Variants in UBE2D2 observed in about 807,000 individuals in gnomAD.
UBE2D2 encodes the protein ubiquitin conjugating enzyme E2 D2.
UBE2D2 carries 2 observed loss-of-function variants against 24.2 expected under a neutral mutation model. The observed-to-expected ratio is 0.08, with a 90% CI of 0.03 to 0.26. The LOEUF is 0.26. Ranked by LOEUF, UBE2D2 falls within the 10% of genes least tolerant of loss-of-function variation. The pLI is 1.00. For missense variants in UBE2D2, 44 were observed against 177.6 expected, an observed-to-expected ratio of 0.25 and a Z score of 4.28; for synonymous variants, 58 against 56.5, an observed-to-expected ratio of 1.03 and a Z score of -0.12.
At chr5:139,549,747 A>G (rs1438758776) in intron 1 of UBE2D2, among the ~76,000 whole-genome samples, 1 of 152,232 alleles carries the variant, frequency 6.6e-6, no homozygotes, top group African/African-American at 2.4e-5. Flanking sequence ...GAGCGGGACT[A>G]GCGGGCAACT....
At chr5:139,595,936 C>T (rs572619261) in intron 1 of UBE2D2, among the ~76,000 whole-genome samples, 46 of 142,458 alleles carry the variant, frequency 3.2e-4, no homozygotes, top group Admixed American at 2.1e-3. Flanking sequence ...CTCTATCACC[C>T]AGGCTGGAGT....
chr5:139,546,873 T>TTCCTTCCTTC, intron 1 of UBE2D2, among the ~76,000 whole-genome samples: 1 of 146,742 alleles, frequency 6.8e-6, no homozygotes. Flanking sequence ...TTCCTTCCTT[T>TTCCTTCCTTC]CTTTCCTTCT....
chr5:139,561,578 G>T lies in UBE2D2; in HGVS notation c.-214G>T. 1 of 423,268 alleles carries T rather than the reference G, an allele frequency of 2.4e-6. No homozygotes were observed. The highest frequency in any genetic ancestry group is 6.6e-5 in the South Asian group (1 of 15,246). The allele number at this position is 423,268 out of a possible 1,614,324, so 26.2% of individuals were successfully genotyped here. A position where few individuals can be genotyped will look rare whatever the true frequency, so the allele number is the denominator to read the frequency against. ...CGGCTAGGGCGGCGGCGAATAAAGG[G>T]GCCGCCGCCGGGTGATGCGGTGACC... is the stretch of plus-strand genomic sequence containing the variant. On this transcript the variant is annotated 5_prime_UTR_variant, in exon 1 of 7. Transcript: ENST00000398733.
chr5:139,592,952 C>T (rs1753874194), intron 1 of UBE2D2, among the ~76,000 whole-genome samples: 3 of 123,008 alleles, frequency 2.4e-5, no homozygotes, highest in African/African-American at 4.2e-5. Context: ...AGAGGTTCAG[C>T]TTAATTTCCC....
At chr5:139,596,410 C>T (rs928463100) in intron 1 of UBE2D2, among the ~76,000 whole-genome samples, 1 of 151,928 alleles carries the variant, frequency 6.6e-6, no homozygotes, top group African/African-American at 2.4e-5. Flanking sequence ...TCTCCTGCCT[C>T]AGCCTCCCCG....
At chr5:139,562,171 G>T (rs1015674652) in intron 1 of UBE2D2, 3 of 1,350,174 alleles carry the variant, frequency 2.2e-6, no homozygotes, top group Non-Finnish European at 2.9e-6. Flanking sequence ...CTGGGGCGTT[G>T]GGCGGCCCCT....
At chr5:139,623,266 A>G (rs1008666691) in intron 5 of UBE2D2, 102 bp from the exon 6 acceptor site, 29 of 636,946 alleles carry the variant, frequency 4.6e-5, no homozygotes, top group African/African-American at 4.5e-4. Context: ...GCTAGGCATT[A>G]CAGTATAAAT....
chr5:139,558,847 C>G (rs1482889469), upstream of UBE2D2, among the ~76,000 whole-genome samples: 10 of 151,780 alleles, frequency 6.6e-5, no homozygotes, highest in East Asian at 1.9e-3. Context: ...TTCACCACAC[C>G]TGAGGTGCAG....
chr5:139,591,965 C>T (rs530335767), intron 1 of UBE2D2, among the ~76,000 whole-genome samples: 5 of 152,052 alleles, frequency 3.3e-5, no homozygotes, highest in East Asian at 1.9e-4. Context: ...TTTGGGAGGC[C>T]GAGGCGGGCG....
intron 1 of UBE2D2, among the ~76,000 whole-genome samples, chr5:139,549,645 C>T (rs541830915): frequency 1.3e-5 from 2 of 152,344 alleles, no homozygotes; most frequent in African/African-American, 2.4e-5. Flanking sequence ...CGTGAGCTCG[C>T]GGGGCTGGAG....
At chr5:139,611,732 G>A (rs1754324636) in intron 2 of UBE2D2, among the ~76,000 whole-genome samples, 2 of 152,112 alleles carry the variant, frequency 1.3e-5, no homozygotes, top group African/African-American at 4.8e-5. Flanking sequence ...TTGTTATAAA[G>A]GTGAACTGCT....
At chr5:139,542,966 A>T (rs1400425639) in intron 1 of UBE2D2, among the ~76,000 whole-genome samples, 1 of 152,020 alleles carries the variant, frequency 6.6e-6, no homozygotes, top group Admixed American at 6.6e-5. Context: ...GCCTGATCTC[A>T]GCTCACTGCA....
intron 6 of UBE2D2, 121 bp downstream of exon 6, chr5:139,623,582 C>G (rs1322503665): frequency 3.1e-6 from 2 of 643,086 alleles, no homozygotes; most frequent in African/African-American, 3.6e-5. Context: ...AATATACTCT[C>G]CTGGGGCTAG....
chr5:139,595,750 A>G (rs1753944576), intron 1 of UBE2D2, among the ~76,000 whole-genome samples: 1 of 152,178 alleles, frequency 6.6e-6, no homozygotes, highest in Admixed American at 6.6e-5. Context: ...TTATTTTTCA[A>G]ATGGGCAATA....
chr5:139,580,493 G>A (rs1021419192), intron 1 of UBE2D2, among the ~76,000 whole-genome samples: 5 of 152,056 alleles, frequency 3.3e-5, no homozygotes, highest in Admixed American at 6.6e-5. Context: ...ACGGAGTCTC[G>A]CTGCGTGACC....
At chr5:139,576,718 C>T (rs1029689732) in intron 1 of UBE2D2, among the ~76,000 whole-genome samples, 3 of 152,132 alleles carry the variant, frequency 2.0e-5, no homozygotes, top group East Asian at 3.9e-4. Context: ...AATGCCATCT[C>T]GGGTGCTTTC....
chr5:139,566,481 C>T (rs1457871650), intron 1 of UBE2D2, among the ~76,000 whole-genome samples: 1 of 152,010 alleles, frequency 6.6e-6, no homozygotes, highest in African/African-American at 2.4e-5. Flanking sequence ...CGAGACCAGC[C>T]TGAGCAACAT....
At chr5:139,587,882 G>GT (rs1753765209) in intron 1 of UBE2D2, among the ~76,000 whole-genome samples, 1 of 152,028 alleles carries the variant, frequency 6.6e-6, no homozygotes, top group Non-Finnish European at 1.5e-5. Context: ...TTTACCTCCT[G>GT]TTTTTGCCTA....
intron 1 of UBE2D2, among the ~76,000 whole-genome samples, chr5:139,530,491 C>T (rs914102570): frequency 5.9e-5 from 9 of 152,222 alleles, no homozygotes; most frequent in African/African-American, 2.2e-4. Flanking sequence ...CAAGAAGGCT[C>T]ATGAGGATAT....
Sources: allele counts gnomAD v4.1 joint callset (sites outside exome capture counted in the v4.1 genomes callset), GRCh38; gene constraint gnomAD v4.1.1; transcripts MANE v1.5; gene names NCBI Gene and HGNC (gene_info 2026-07-23, HGNC 2026-07-21).